The following SLK variants were observed in gnomAD, a reference collection of about 807,000 sequenced individuals.
SLK encodes STE20-like serine/threonine-protein kinase.
A neutral mutation model predicts 147.7 loss-of-function variants in SLK; 67 were observed. The ratio of observed to expected loss-of-function variants is 0.45; its 90% confidence interval spans 0.37 to 0.56. SLK has a LOEUF of 0.56. Among genes scored for constraint, SLK ranks in the 20% least tolerant of loss-of-function variants. The pLI, the probability that SLK is intolerant of heterozygous loss-of-function variation, is 0.00. For synonymous variants in SLK, 441 were observed against 475.0 expected (o/e 0.93, Z 0.93); for missense variants, 1,136 against 1,438.8 (o/e 0.79, Z 3.41).
chr10:104,015,644 A>C (rs1844453460), intron 13 of SLK, among the ~76,000 whole-genome samples: 1 of 152,058 alleles, frequency 6.6e-6, no homozygotes, highest in Non-Finnish European at 1.5e-5. Flanking sequence ...TATAGTGTCC[A>C]CCATTTACTA....
At chr10:103,972,543 G>A (rs1476083992) in intron 1 of SLK, among the ~76,000 whole-genome samples, 5 of 152,058 alleles carry the variant, frequency 3.3e-5, no homozygotes, top group South Asian at 2.1e-4. Context: ...GTGGTGGCAG[G>A]AGCCTGTAGT....
chr10:103,993,782 T>A (rs2134477029), intron 4 of SLK, among the ~76,000 whole-genome samples: 1 of 152,318 alleles, frequency 6.6e-6, no homozygotes, highest in South Asian at 2.1e-4. Context: ...TTTGTATATT[T>A]TGGAAGGCTA....
intron 4 of SLK, among the ~76,000 whole-genome samples, chr10:103,996,207 T>C (rs1378271995): frequency 6.6e-6 from 1 of 152,170 alleles, no homozygotes; most frequent in Admixed American, 6.5e-5. Flanking sequence ...TTGGCACAAA[T>C]TTCTTTCCTT....
rs372778251 is a variant in SLK at position 104,018,275 on chromosome 10, A to G, written c.2993A>G (p.Gln998Arg). ...GAGAGAGAGTGCCTGAATAACAAGC[A>G]ACAGCTCATGAGAGGTAATTTTTTT... ...NIERECLNNK[Q>R]QLMRAREAAI... Residue 998 changes from glutamine (Q) to arginine (R), a missense_variant, in exon 14 of 19, where the codon CAA becomes CGA. Gln to Arg is a conservative substitution (Grantham distance 43). Transcript: ENST00000369755. 7 of 1,599,502 alleles carry G rather than the reference A, an allele frequency of 4.4e-6. No homozygotes were observed. In the African/African-American group the frequency reaches 8.1e-5, roughly 19 times the overall value.
chr10:103,983,758 C>T (rs1339152372), intron 1 of SLK, among the ~76,000 whole-genome samples: 1 of 151,796 alleles, frequency 6.6e-6, no homozygotes, highest in East Asian at 1.9e-4. Context: ...ACAGAACTAA[C>T]CTCATCATAA....
At position 104,025,828 on chromosome 10, in the gene SLK, C is replaced by T; in HGVS notation, c.*108C>T. On this transcript the variant is annotated 3_prime_UTR_variant, in exon 19 of 19. Coordinates refer to ENST00000369755, the MANE Select transcript of SLK (RefSeq NM_014720.4). ...CTCATGAAGACAATCACCTGCCTCA[C>T]CTTCTAGGTGTTTTCCTTTTTTGTT... The T allele has an allele frequency of 1.1e-6, 1 of 949,034 alleles. No homozygotes were observed. The highest frequency in any genetic ancestry group is 2.6e-5 in the East Asian group (1 of 39,032). The allele number at this position is 949,034 out of a possible 1,614,324, so 58.8% of individuals were successfully genotyped here. A position where few individuals can be genotyped will look rare whatever the true frequency, so the allele number is the denominator to read the frequency against.
intron 1 of SLK, among the ~76,000 whole-genome samples, chr10:103,974,220 G>A (rs1327626657): frequency 6.6e-6 from 1 of 151,984 alleles, no homozygotes; most frequent in Admixed American, 6.6e-5. Flanking sequence ...CTCTTGCCAT[G>A]GTCTTAAGAT....
chr10:103,995,423 C>CTTTTTTTTTTTTTTTTTTTTT (rs756975426), intron 4 of SLK, among the ~76,000 whole-genome samples: 72 of 67,658 alleles, frequency 1.1e-3, no homozygotes, highest in Non-Finnish European at 1.6e-3. Flanking sequence ...TCTTTCTTTT[C>CTTTTTTTTTTTTTTTTTTTTT]TTTTTTTTTT....
At chr10:103,969,002 C>T (rs890389907) in intron 1 of SLK, among the ~76,000 whole-genome samples, 10 of 151,990 alleles carry the variant, frequency 6.6e-5, no homozygotes, top group African/African-American at 9.7e-5. Flanking sequence ...GAGTTTCGCC[C>T]CTTTTGCCCA....
chr10:104,025,540 C>A, intron 18 of SLK, 34 bp from the exon 19 acceptor site: 1 of 1,603,478 alleles, frequency 6.2e-7, no homozygotes. Context: ...ATAATACCAG[C>A]ACATAGCAAT....
At position 104,008,244 on chromosome 10, in the gene SLK, G is replaced by T; in HGVS notation, c.2672G>T (p.Arg891Leu). 1 of 1,613,888 alleles carries T rather than the reference G, an allele frequency of 6.2e-7. No individual in the cohort carries two copies. Residue 891 changes from arginine (R) to leucine (L), a missense_variant, in exon 12 of 19, where the codon CGC becomes CTC. Physicochemically the swap from Arg to Leu is moderately radical, Grantham distance 102. Around this residue, in one of 6 missense-constraint regions of SLK, gnomAD observed 327 missense variants for 457.5 expected, o/e 0.71. Coordinates refer to ENST00000369755, the MANE Select transcript of SLK (RefSeq NM_014720.4). The part of the protein sequence containing the change: ...LEKQQKQTIE[R>L]LEQEHTNRLR... ...AAACAGCAGAAACAGACTATCGAAC[G>T]CCTGGAACAAGAGCACACAAATCGC...
chr10:104,012,226 T>C (rs766945658), intron 13 of SLK, among the ~76,000 whole-genome samples: 7 of 152,218 alleles, frequency 4.6e-5, no homozygotes, highest in Non-Finnish European at 1.0e-4. Context: ...TAAATTTTGC[T>C]AAGTAAAGAT....
intron 1 of SLK, among the ~76,000 whole-genome samples, chr10:103,987,646 T>G (rs1469590887): frequency 4.6e-5 from 7 of 152,218 alleles, no homozygotes; most frequent in African/African-American, 1.7e-4. Flanking sequence ...TGAAGTGATG[T>G]TAATATACAT....
intron 1 of SLK, among the ~76,000 whole-genome samples, chr10:103,975,327 C>A (rs1052976140): frequency 6.6e-6 from 1 of 152,094 alleles, no homozygotes; most frequent in Admixed American, 6.5e-5. Flanking sequence ...CTCCTTCTGT[C>A]TTCCCACTCA....
In SLK at chr10:104,027,630, C is replaced by T. The variant is rs958191682; in HGVS notation, c.*1910C>T. ...TATTTGAAGAGGGATTGGGAAGGAACGTCTTCATACCACTTTCTCCTTTGA... is the reference window on the plus strand; with the variant it reads ...TATTTGAAGAGGGATTGGGAAGGAATGTCTTCATACCACTTTCTCCTTTGA... On this transcript the variant is annotated 3_prime_UTR_variant, in exon 19 of 19. Coordinates refer to ENST00000369755, the MANE Select transcript of SLK (RefSeq NM_014720.4). 7 of 152,474 alleles carry T rather than the reference C, an allele frequency of 4.6e-5. No homozygotes were observed. Among genetic ancestry groups the T allele is most frequent in the Non-Finnish European group, 7.4e-5 (5 of 68,022 alleles). 9.4% of individuals were successfully genotyped at this position (152,474 alleles called of 1,614,324 possible). A position where few individuals can be genotyped will look rare whatever the true frequency, so the allele number is the denominator to read the frequency against.
At chr10:104,023,561 T>C (rs1303391775) in intron 18 of SLK, among the ~76,000 whole-genome samples, 1 of 152,206 alleles carries the variant, frequency 6.6e-6, no homozygotes, top group African/African-American at 2.4e-5. Flanking sequence ...GCTGTTGCTA[T>C]TATTGTTTCT....
chr10:104,010,768 G>T, intron 12 of SLK, 48 bp from the exon 13 acceptor site: 1 of 1,216,758 alleles, frequency 8.2e-7, no homozygotes. Flanking sequence ...AATGCTTGCT[G>T]TGGAGAAAGT....
chr10:103,974,826 ATTTTT>A (rs749565693), intron 1 of SLK: 13,907 of 55,210 alleles, frequency 0.25, 1,591 homozygotes, highest in Admixed American at 0.3. Context: ...AATTTTTTCT[ATTTTT>A]TTTTTTTTTT....
intron 11 of SLK, among the ~76,000 whole-genome samples, chr10:104,007,634 A>G (rs79053841): frequency 0.01 from 1,467 of 140,624 alleles, 13 homozygotes; most frequent in Admixed American, 0.03. Context: ...CAAAAACAGA[A>G]AAGAAAAAAA....
Sources: allele counts gnomAD v4.1 joint callset (sites outside exome capture counted in the v4.1 genomes callset), GRCh38; gene constraint gnomAD v4.1.1; regional missense constraint gnomAD v4.1.1; transcripts MANE v1.5; gene names NCBI Gene and HGNC (gene_info 2026-07-23, HGNC 2026-07-21).